Variants in HP1BP3 observed in about 807,000 individuals in gnomAD.
HP1BP3 encodes the protein heterochromatin protein 1-binding protein 3.
In HP1BP3, 12 loss-of-function variants were observed where a neutral mutation model predicts 62.5. The observed-to-expected ratio is 0.19, with a 90% CI of 0.12 to 0.31. The LOEUF (loss-of-function observed/expected upper bound fraction) is 0.31, where lower values mean the gene tolerates loss of function less well. Ranked by LOEUF, HP1BP3 falls within the 10% of genes least tolerant of loss-of-function variation. HP1BP3 has a pLI of 1.00. For synonymous variants in HP1BP3, 260 were observed against 237.8 expected, an observed-to-expected ratio of 1.09 and a Z score of -0.86; for missense variants, 502 against 651.8, an observed-to-expected ratio of 0.77 and a Z score of 2.50.
intron 9 of HP1BP3, among the ~76,000 whole-genome samples, chr1:20,751,149 A>C (rs1274287555): frequency 6.6e-6 from 1 of 151,938 alleles, no homozygotes; most frequent in Non-Finnish European, 1.5e-5. Flanking sequence ...TTTCTCAATA[A>C]CATTTTCTTT....
At chr1:20,750,968 C>T (rs1290601773) in intron 9 of HP1BP3, among the ~76,000 whole-genome samples, 2 of 151,814 alleles carry the variant, frequency 1.3e-5, no homozygotes, top group African/African-American at 4.8e-5. Context: ...CAGGCGCCCA[C>T]CACCAGGTCT....
chr1:20,781,473 C>T (rs2057543326), intron 1 of HP1BP3, among the ~76,000 whole-genome samples: 1 of 152,164 alleles, frequency 6.6e-6, no homozygotes, highest in African/African-American at 2.4e-5. Flanking sequence ...TGCATTCACA[C>T]TTATCGGGAA....
chr1:20,771,379 T>C (rs1303052552), intron 5 of HP1BP3, among the ~76,000 whole-genome samples: 1 of 152,224 alleles, frequency 6.6e-6, no homozygotes, highest in Non-Finnish European at 1.5e-5. Context: ...GATGAATCTT[T>C]GGCATCAAAA....
chr1:20,746,418 A>C (rs1170833843), intron 11 of HP1BP3, among the ~76,000 whole-genome samples: 3 of 152,174 alleles, frequency 2.0e-5, no homozygotes, highest in Admixed American at 6.5e-5. Context: ...TAATGTTCGA[A>C]AAATTTATAT....
At chr1:20,781,106 T>C (rs911701535) in intron 1 of HP1BP3, among the ~76,000 whole-genome samples, 5 of 152,122 alleles carry the variant, frequency 3.3e-5, no homozygotes, top group African/African-American at 1.2e-4. Flanking sequence ...CTTCTAAGAC[T>C]GTCATATTTT....
At chr1:20,757,652 T>G (rs1240459718) in intron 8 of HP1BP3, among the ~76,000 whole-genome samples, 1 of 152,130 alleles carries the variant, frequency 6.6e-6, no homozygotes, top group African/African-American at 2.4e-5. Flanking sequence ...ATTACAGGTA[T>G]GAGGCACCAC....
Position 20,741,830 on chromosome 1 carries a change from C to CAT in HP1BP3, c.*2966_*2967insAT, listed in dbSNP as rs2055091963. On this transcript the variant is annotated 3_prime_UTR_variant, in exon 13 of 13. Transcript: ENST00000438032. ...TCCATGCTAGAGATTTCTGGGATTA[C>CAT]CTCTGGGGTTTGTTGTTCCCCTTTC... Among the ~76,000 whole-genome samples, 3 of 152,214 alleles carry CAT rather than the reference C, an allele frequency of 2.0e-5. 1 individual carries two copies. In the South Asian group the frequency reaches 6.2e-4, roughly 31 times the overall value.
Position 20,757,211 on chromosome 1 carries a change from G to T in HP1BP3, c.936C>A (p.Gly312=). The T allele has an allele frequency of 4.3e-6, 7 of 1,612,690 alleles. No homozygotes were observed. The highest frequency in any genetic ancestry group is 5.9e-6 in the Non-Finnish European group (7 of 1,179,380). The part of the protein sequence containing the change: ...KNALQRAVER[G]QLEQITGKGA... ...CTTTGCCAGTTATCTGTTCTAACTG[G>T]CCCCTCTCTACTGCTCTCTGCAGAG... The change falls in exon 9 of 13, where the codon GGC becomes GGA. Residue 312 remains glycine (G), a synonymous_variant. Coordinates refer to ENST00000438032, the MANE Select transcript of HP1BP3 (RefSeq NM_001372052.1).
At chr1:20,747,801 TTTAA>T (rs200986688) in intron 10 of HP1BP3, 146 bp from the exon 11 acceptor site, 16 of 598,454 alleles carry the variant, frequency 2.7e-5, no homozygotes, top group African/African-American at 1.1e-4. Context: ...TTCAAAGGTA[TTTAA>T]TTAAACATTT....
At chr1:20,775,877 T>C (rs937280360) in intron 4 of HP1BP3, 13 of 1,325,320 alleles carry the variant, frequency 9.8e-6, no homozygotes, top group South Asian at 7.4e-5. Flanking sequence ...GGCACGATGA[T>C]GAAATCGCCT....
Position 20,749,898 on chromosome 1 carries a change from G to A in HP1BP3, c.982-16C>T. 1 of 1,607,268 alleles carries A rather than the reference G, an allele frequency of 6.2e-7. No individual in the cohort carries two copies. Among genetic ancestry groups the A allele is most frequent in the Non-Finnish European group, 8.5e-7 (1 of 1,176,448 alleles). On this transcript the variant is annotated splice_polypyrimidine_tract_variant and intron_variant, in intron 9 of 12. Coordinates refer to ENST00000438032, the MANE Select transcript of HP1BP3 (RefSeq NM_001372052.1). ...ATTTCTTCAGCTGTTTTCCAAGGAGGAAGAGAAAAGCATCAAGACAACACT... is the reference window on the plus strand; with the variant it reads ...ATTTCTTCAGCTGTTTTCCAAGGAGAAAGAGAAAAGCATCAAGACAACACT...
chr1:20,755,540 A>G lies in HP1BP3; in HGVS notation c.981+1626T>C, dbSNP rs143031712. ...CAGTGAGCCAAGATCACACCACTGC[A>G]CTCTAGCCTGGGTGACAGAGTGAGA... is the stretch of plus-strand genomic sequence containing the variant. On this transcript the variant is annotated intron_variant, in intron 9 of 12. Transcript: ENST00000438032. 32 of 274,038 alleles carry G rather than the reference A, an allele frequency of 1.2e-4. No individual in the cohort carries two copies. In the Admixed American group the frequency reaches 1.2e-3, roughly 11 times the overall value. The allele number at this position is 274,038 out of a possible 1,614,324, so 17.0% of individuals were successfully genotyped here.
In HP1BP3 at chr1:20,765,466, A is replaced by G. The variant is rs751587722; in HGVS notation, c.801T>C (p.Phe267=). The part of the protein sequence containing the change: ...VKLEDVLPLA[F]TRLCEPKEAS... ...CTTCTTTAGGTTCACAAAGGCGAGT[A>G]AAGGCCAGTGGGAGGACATCCTCCA... is the stretch of plus-strand genomic sequence containing the variant. The change falls in exon 8 of 13, where the codon TTT becomes TTC. Residue 267 remains phenylalanine (F), a synonymous_variant. Transcript: ENST00000438032. 13 of 1,613,540 alleles carry G rather than the reference A, an allele frequency of 8.1e-6. No individual in the cohort carries two copies. The South Asian group carries it at 1.3e-4, about 16-fold the overall frequency.
intron 12 of HP1BP3, among the ~76,000 whole-genome samples, 156 bp from the exon 13 acceptor site, chr1:20,745,247 T>C (rs1269427311): frequency 6.6e-6 from 1 of 152,212 alleles, no homozygotes; most frequent in Non-Finnish European, 1.5e-5. Context: ...TTTACTAAAA[T>C]TGTATAAAAA....
intron 8 of HP1BP3, among the ~76,000 whole-genome samples, chr1:20,762,469 A>G (rs905649284): frequency 1.3e-5 from 2 of 152,214 alleles, no homozygotes; most frequent in African/African-American, 2.4e-5. Context: ...AAAGGCTGTG[A>G]AAAGAAAATA....
chr1:20,781,168 A>C (rs1009911850), intron 1 of HP1BP3, among the ~76,000 whole-genome samples: 1 of 152,110 alleles, frequency 6.6e-6, no homozygotes, highest in Non-Finnish European at 1.5e-5. Flanking sequence ...TCAAAGATAA[A>C]AACCCATGCA....
At chr1:20,765,605 T>A in intron 7 of HP1BP3, 74 bp from the exon 8 acceptor site, 1 of 1,187,182 alleles carries the variant, frequency 8.4e-7, no homozygotes. Flanking sequence ...AGGGCTTTCC[T>A]CAGTTGATTA....
rs201021126 is a variant in HP1BP3 at position 20,749,525 on chromosome 1, A to AT, written c.1141+197dup. ...AGATGCACACCACTACACCCTGCTAATTTTTTTGTATTTGTAGTAGAGATG... is the reference window on the plus strand; with the variant it reads ...AGATGCACACCACTACACCCTGCTAATTTTTTTTGTATTTGTAGTAGAGATG... On this transcript the variant is annotated intron_variant, in intron 10 of 12. Coordinates refer to ENST00000438032, the MANE Select transcript of HP1BP3 (RefSeq NM_001372052.1). Among the ~76,000 whole-genome samples, 1,361 of 151,644 alleles carry AT rather than the reference A, an allele frequency of 9.0e-3. 14 individuals are homozygous for AT. Among genetic ancestry groups the AT allele is most frequent in the Admixed American group, 0.033 (495 of 15,222 alleles).
intron 12 of HP1BP3, 39 bp downstream of exon 12, chr1:20,745,500 GTATT>G: frequency 2.5e-6 from 4 of 1,601,366 alleles, no homozygotes; most frequent in South Asian, 1.1e-5. Flanking sequence ...CAGCTCTGAG[GTATT>G]TAGTGTCCTC....
Sources: allele counts gnomAD v4.1 joint callset (sites outside exome capture counted in the v4.1 genomes callset), GRCh38; gene constraint gnomAD v4.1.1; transcripts MANE v1.5; gene names NCBI Gene and HGNC (gene_info 2026-07-23, HGNC 2026-07-21).